Variants in UNC13C observed in about 807,000 individuals in gnomAD.
UNC13C encodes unc-13 homolog C.
In UNC13C, 174 loss-of-function variants were observed where a neutral mutation model predicts 245.4. That is an observed-to-expected ratio of 0.71 (90% confidence interval 0.63 to 0.80). The LOEUF (loss-of-function observed/expected upper bound fraction) is 0.80. Among genes scored for constraint, UNC13C ranks in the 30% least tolerant of loss-of-function variants. UNC13C has a pLI of 0.00. For missense variants in UNC13C, 2,829 were observed against 2,602.9 expected (o/e 1.09, Z -1.89); for synonymous variants, 992 against 895.1 (o/e 1.11, Z -1.93).
At chr15:54,310,762 ATC>A (rs1474299889) in intron 13 of UNC13C, among the ~76,000 whole-genome samples, 31 of 151,314 alleles carry the variant, frequency 2.0e-4, no homozygotes, top group Middle Eastern at 3.4e-3. Flanking sequence ...CTATATCTAT[ATC>A]TATATCTATA....
chr15:54,040,047 T>C (rs896417609), intron 2 of UNC13C, among the ~76,000 whole-genome samples: 2 of 152,050 alleles, frequency 1.3e-5, no homozygotes, highest in Non-Finnish European at 2.9e-5. Flanking sequence ...CTGTGGCCTT[T>C]ACGCTCTTTC....
chr15:54,159,163 CTTA>C (rs2032873926), intron 4 of UNC13C, among the ~76,000 whole-genome samples: 1 of 152,194 alleles, frequency 6.6e-6, no homozygotes, highest in Non-Finnish European at 1.5e-5. Context: ...ATGTGTCTTA[CTTA>C]TTATACTTTA....
intron 2 of UNC13C, among the ~76,000 whole-genome samples, chr15:54,029,379 G>A (rs2163196): frequency 0.061 from 9,239 of 152,264 alleles, 325 homozygotes; most frequent in Non-Finnish European, 0.07. Context: ...ATACAAACAC[G>A]TGGTTTCCTT....
chr15:53,982,812 C>G (rs1010118639), intron 1 of UNC13C, among the ~76,000 whole-genome samples: 3 of 152,120 alleles, frequency 2.0e-5, no homozygotes, highest in Admixed American at 1.3e-4. Context: ...TCATGAAGAT[C>G]GCTTCTAGTT....
At chr15:53,955,087 C>T in the UNC13C span, among the ~76,000 whole-genome samples, 12 of 152,116 alleles carry the variant, frequency 7.9e-5, no homozygotes, top group Non-Finnish European at 1.8e-4. Context: ...GCATAAGTGC[C>T]AGAATAGTGC....
Position 54,237,624 on chromosome 15 carries a change from G to C in UNC13C, c.3162G>C (p.Leu1054=). The part of the protein sequence containing the change: ...LPIVRDVAMT[L]AARKSGLSLA... ...CATAATTCTGTTTGTTTTAGACCCTGGCTGCCCGGAAATCTGGACTCTCCC... is the reference window on the plus strand; with the variant it reads ...CATAATTCTGTTTGTTTTAGACCCTCGCTGCCCGGAAATCTGGACTCTCCC... The change falls in exon 7 of 33, where the codon CTG becomes CTC. Residue 1054 remains leucine, a synonymous_variant. Transcript: ENST00000260323. 3.1e-6 allele frequency: 5 copies of C among 1,611,610 alleles called. No individual in the cohort carries two copies. Among genetic ancestry groups the C allele is most frequent in the Non-Finnish European group, 4.2e-6 (5 of 1,178,972 alleles).
the UNC13C span, among the ~76,000 whole-genome samples, chr15:53,957,164 C>T: frequency 1.3e-5 from 2 of 151,124 alleles, no homozygotes; most frequent in South Asian, 4.2e-4. Flanking sequence ...TTTTTTGAGA[C>T]AGAGTCTCAC....
rs1897627987 is a variant in UNC13C at position 54,568,877 on chromosome 15, A to C, written c.6106+930A>C. Among the ~76,000 whole-genome samples the C allele has an allele frequency of 2.0e-5, 3 of 152,158 alleles. No homozygotes were observed. The South Asian group carries it at 6.2e-4, about 32-fold the overall frequency. ...AAAGATAAAGCTAAATGTGCTAGGT[A>C]GGTAGTCTGCCTATAACACTCTGTG... On this transcript the variant is annotated intron_variant, in intron 30 of 32. Transcript: ENST00000260323.
chr15:54,446,515 T>A (rs977324684), intron 19 of UNC13C, among the ~76,000 whole-genome samples: 1 of 152,234 alleles, frequency 6.6e-6, no homozygotes, highest in Non-Finnish European at 1.5e-5. Context: ...TTCACATCCC[T>A]TGTAAGTTGG....
In UNC13C at chr15:54,060,309, A is replaced by G. The variant is rs373651611; in HGVS notation, c.2983+44423A>G. On this transcript the variant is annotated intron_variant, in intron 2 of 32. Transcript: ENST00000260323. ...AACCCCATCAAAAAGTGGGCAAAGG[A>G]TATGAACAGACACTTCTCAAAAGAA... is the stretch of plus-strand genomic sequence containing the variant. Among the ~76,000 whole-genome samples the G allele has an allele frequency of 1.2e-4, 19 of 152,348 alleles. No homozygotes were observed. The South Asian group carries it at 3.1e-3, about 25-fold the overall frequency.
intron 2 of UNC13C, among the ~76,000 whole-genome samples, chr15:54,130,456 C>G (rs2031344454): frequency 1.3e-5 from 2 of 151,660 alleles, no homozygotes; most frequent in African/African-American, 4.8e-5. Context: ...ACACGCCTGG[C>G]TAATTTTTTG....
the UNC13C span, among the ~76,000 whole-genome samples, chr15:53,845,603 C>T: frequency 2.5e-3 from 374 of 152,210 alleles, 3 homozygotes; most frequent in Middle Eastern, 0.024. Context: ...ATGCTAAGCA[C>T]GGGTCTAGGG....
chr15:53,963,403 C>G, the UNC13C span, among the ~76,000 whole-genome samples: 1 of 152,130 alleles, frequency 6.6e-6, no homozygotes, highest in East Asian at 1.9e-4. Context: ...GGTTTGAACC[C>G]TTGGAAGTTG....
chr15:54,513,665 T>G (rs1894849580), intron 24 of UNC13C, among the ~76,000 whole-genome samples: 1 of 152,176 alleles, frequency 6.6e-6, no homozygotes, highest in African/African-American at 2.4e-5. Flanking sequence ...GCTTGGTACC[T>G]TCTTCCTTTA....
chr15:54,235,191 T>G, intron 5 of UNC13C, 83 bp downstream of exon 5: 1 of 1,159,824 alleles, frequency 8.6e-7, no homozygotes, highest in Non-Finnish European at 1.3e-6. Context: ...TCATTCACTG[T>G]CTAGCCTGTA....
At chr15:54,043,978 A>T (rs1444086513) in intron 2 of UNC13C, among the ~76,000 whole-genome samples, 1 of 152,192 alleles carries the variant, frequency 6.6e-6, no homozygotes, top group Non-Finnish European at 1.5e-5. Context: ...AAATTCAATA[A>T]TTTTTAGCAT....
At chr15:54,149,847 A>G (rs969810542) in intron 4 of UNC13C, among the ~76,000 whole-genome samples, 1 of 152,234 alleles carries the variant, frequency 6.6e-6, no homozygotes, top group African/African-American at 2.4e-5. Flanking sequence ...GAAATACAAG[A>G]TCACAACTGT....
intron 20 of UNC13C, among the ~76,000 whole-genome samples, chr15:54,496,678 G>C (rs1448874238): frequency 6.6e-6 from 1 of 152,038 alleles, no homozygotes; most frequent in Non-Finnish European, 1.5e-5. Flanking sequence ...AACCTGGATG[G>C]AACTGGAGAC....
At chr15:54,017,241 G>T (rs1274641378) in intron 2 of UNC13C, among the ~76,000 whole-genome samples, 1 of 152,052 alleles carries the variant, frequency 6.6e-6, no homozygotes. Flanking sequence ...GCAGGGATGG[G>T]TAGTTCTCAA....
Sources: allele counts gnomAD v4.1 joint callset (sites outside exome capture counted in the v4.1 genomes callset), GRCh38; gene constraint gnomAD v4.1.1; transcripts MANE v1.5; gene names NCBI Gene and HGNC (gene_info 2026-07-23, HGNC 2026-07-21).